UPF1: variants seen among roughly 807,000 people sequenced by gnomAD.
UPF1 encodes UPF1 RNA helicase and ATPase.
In UPF1, 9 loss-of-function variants were observed where a neutral mutation model predicts 129.2. The ratio of observed to expected loss-of-function variants is 0.07; its 90% CI spans 0.04 to 0.12. The LOEUF (loss-of-function observed/expected upper bound fraction) is 0.12. UPF1 is among the 10% of genes least tolerant of loss of function. The probability of loss-of-function intolerance (pLI) is 1.00; values close to 1 mark genes in which losing one functional copy is unlikely to be tolerated. For missense variants in UPF1, 788 were observed against 1,525.3 expected, an observed-to-expected ratio of 0.52 and a Z score of 8.05; for synonymous variants, 649 against 644.9, an observed-to-expected ratio of 1.01 and a Z score of -0.10.
intron 1 of UPF1, among the ~76,000 whole-genome samples, chr19:18,839,325 C>T (rs933033339): frequency 6.6e-6 from 1 of 152,146 alleles, no homozygotes. Flanking sequence ...AGCTCCTGAC[C>T]TCAGGTGATC....
chr19:18,863,274 G>A, intron 18 of UPF1, 164 bp from the exon 19 acceptor site: 2 of 870,968 alleles, frequency 2.3e-6, no homozygotes, highest in Non-Finnish European at 3.5e-6. Context: ...GCTTGGCATT[G>A]GGCTTTGGGG....
intron 2 of UPF1, among the ~76,000 whole-genome samples, chr19:18,846,972 C>G (rs952373424): frequency 6.6e-6 from 1 of 152,230 alleles, no homozygotes; most frequent in Non-Finnish European, 1.5e-5. Context: ...CCAGCCTGAG[C>G]GACAGTCACG....
At chr19:18,845,800 G>A (rs968276890) in intron 1 of UPF1, among the ~76,000 whole-genome samples, 180 bp from the exon 2 acceptor site, 2 of 152,198 alleles carry the variant, frequency 1.3e-5, no homozygotes, top group African/African-American at 4.8e-5. Flanking sequence ...AAGGCCACCA[G>A]TGGCCCTTTT....
At chr19:18,833,950 T>C (rs545159114) in intron 1 of UPF1, among the ~76,000 whole-genome samples, 2 of 152,212 alleles carry the variant, frequency 1.3e-5, no homozygotes, top group South Asian at 4.2e-4. Context: ...GAAGGTGGGG[T>C]GTGAGGAGAA....
chr19:18,832,148 C>G lies in UPF1; in HGVS notation c.-62C>G. 3 of 1,448,950 alleles carry G rather than the reference C, an allele frequency of 2.1e-6. No homozygotes were observed. The highest frequency in any genetic ancestry group is 2.8e-6 in the Non-Finnish European group (3 of 1,088,992). The allele number at this position is 1,448,950 out of a possible 1,614,324, so 89.8% of individuals were successfully genotyped here. On this transcript the variant is annotated 5_prime_UTR_variant, in exon 1 of 24. Coordinates refer to ENST00000262803, the MANE Select transcript of UPF1 (RefSeq NM_002911.4). This position sits in a 1 kb window ranked among gnomAD's most constrained non-coding sequence, Gnocchi z 5.6. ...GACCCGAGGCCTGCGGCCTAGGCCTCAGCGCGGCGGCGGGCTCGAGTGCAG... is the reference window on the plus strand; with the variant it reads ...GACCCGAGGCCTGCGGCCTAGGCCTGAGCGCGGCGGCGGGCTCGAGTGCAG...
intron 1 of UPF1, among the ~76,000 whole-genome samples, chr19:18,841,743 G>C (rs949417609): frequency 6.6e-6 from 1 of 152,108 alleles, no homozygotes; most frequent in Non-Finnish European, 1.5e-5. Context: ...CCCCGGGCTG[G>C]GAAGGCAGGG....
intron 11 of UPF1, 22 bp downstream of exon 11, chr19:18,855,264 C>T (rs760224627): frequency 1.1e-5 from 17 of 1,605,010 alleles, no homozygotes; most frequent in East Asian, 6.7e-5. Context: ...ACGGCCCTTG[C>T]GGGCAAGACC....
At position 18,865,002 on chromosome 19, in the gene UPF1, T is replaced by C. The variant is rs1601132778; in HGVS notation, c.2858-287T>C. ...GGTCCACCTCGGCTTCCCAGAGTGC[T>C]GGGATTATAGGCTTGAGCCAACACG... On this transcript the variant is annotated intron_variant, in intron 20 of 23. Coordinates refer to ENST00000262803, the MANE Select transcript of UPF1 (RefSeq NM_002911.4). This position sits in a 1 kb window ranked among gnomAD's most constrained non-coding sequence, Gnocchi z 6.1. Among the ~76,000 whole-genome samples, 1 of 152,358 alleles carries C rather than the reference T, an allele frequency of 6.6e-6. No individual in the cohort carries two copies. Among genetic ancestry groups the C allele is most frequent in the East Asian group, 1.9e-4 (1 of 5,178 alleles).
chr19:18,855,790 A>C, intron 11 of UPF1, 135 bp from the exon 12 acceptor site: 2 of 1,263,258 alleles, frequency 1.6e-6, no homozygotes, highest in Non-Finnish European at 2.1e-6. Context: ...TGAGGCTGCA[A>C]TTAGCTGAGA....
rs529134805 is a variant in UPF1 at position 18,851,250 on chromosome 19, G to A, written c.810+382G>A. 3 of 167,958 alleles carry A rather than the reference G, an allele frequency of 1.8e-5. No homozygotes were observed. The highest frequency in any genetic ancestry group is 1.7e-4 in the East Asian group (1 of 5,792). 10.4% of individuals were successfully genotyped at this position (167,958 alleles called of 1,614,324 possible). ...TGTCCTGGGGAAATAGGTTGGTGTC[G>A]AGGTCGGCACAGTCAGCTGAGACAG... On this transcript the variant is annotated intron_variant, in intron 5 of 23. Coordinates refer to ENST00000262803, the MANE Select transcript of UPF1 (RefSeq NM_002911.4). The surrounding 1 kb of genome is among the most constrained non-coding windows in gnomAD (Gnocchi z 4.2).
At chr19:18,862,256 ACT>A (rs1236048570) in intron 18 of UPF1, 104 bp downstream of exon 18, 3 of 1,494,104 alleles carry the variant, frequency 2.0e-6, no homozygotes, top group Admixed American at 2.1e-5. Flanking sequence ...AGGTCAGAGG[ACT>A]CTGAGCAGCA....
At position 18,863,713 on chromosome 19, in the gene UPF1, AGGGCTCTCCTAGGGGAGGGT is replaced by A. The variant is rs753675399; in HGVS notation, c.2775+126_2775+145del. ...GGCCCGTGTGCCCGTGAGCTGAGGG[AGGGCTCTCCTAGGGGAGGGT>A]GGGCTCTCCTAGGGGAGGGTGGGCC... is the stretch of plus-strand genomic sequence containing the variant. On this transcript the variant is annotated intron_variant, in intron 19 of 23. Coordinates refer to ENST00000262803, the MANE Select transcript of UPF1 (RefSeq NM_002911.4). The A allele has an allele frequency of 9.4e-4, 937 of 998,780 alleles. 10 individuals are homozygous for A. In the East Asian group the frequency reaches 0.029, roughly 31 times the overall value. The allele number at this position is 998,780 out of a possible 1,614,324, so 61.9% of individuals were successfully genotyped here. A position where few individuals can be genotyped will look rare whatever the true frequency, so the allele number is the denominator to read the frequency against.
chr19:18,857,069 C>T (rs1568279871), intron 14 of UPF1, 49 bp downstream of exon 14: 3 of 1,581,286 alleles, frequency 1.9e-6, no homozygotes. Context: ...GTGTGTGATT[C>T]TTGGTGTTTG....
intron 1 of UPF1, among the ~76,000 whole-genome samples, chr19:18,837,499 C>T (rs2055496056): frequency 6.6e-6 from 1 of 152,208 alleles, no homozygotes; most frequent in Non-Finnish European, 1.5e-5. Flanking sequence ...CATGAGAACC[C>T]CAAACCGGAA....
At chr19:18,838,151 C>T (rs948875316) in intron 1 of UPF1, among the ~76,000 whole-genome samples, 7 of 152,226 alleles carry the variant, frequency 4.6e-5, no homozygotes, top group Non-Finnish European at 1.0e-4. Context: ...TCCATACAGT[C>T]TTGGGTTCCG....
At chr19:18,855,426 AT>A in intron 11 of UPF1, 184 bp downstream of exon 11, 1 of 699,490 alleles carries the variant, frequency 1.4e-6, no homozygotes, top group South Asian at 1.9e-5. Flanking sequence ...TTAGGATTGC[AT>A]TTTAGTAACC....
At chr19:18,863,217 G>C (rs1366057649) in intron 18 of UPF1, 1 of 534,350 alleles carries the variant, frequency 1.9e-6, no homozygotes, top group Non-Finnish European at 3.3e-6. Flanking sequence ...TCTGCCATGG[G>C]GCTGCTTAGA....
At chr19:18,833,185 A>C (rs1330537612) in intron 1 of UPF1, 5 of 152,184 alleles carry the variant, frequency 3.3e-5, no homozygotes, top group Non-Finnish European at 7.3e-5. Context: ...TTCCCCATGC[A>C]TAGGGGCGCT....
At chr19:18,866,270 G>A (rs899787348) in intron 23 of UPF1, 104 bp downstream of exon 23, 6 of 1,428,872 alleles carry the variant, frequency 4.2e-6, no homozygotes, top group Non-Finnish European at 4.6e-6. Flanking sequence ...ATCTGGAAAT[G>A]TGTGCTGTGC....
Sources: allele counts gnomAD v4.1 joint callset (sites outside exome capture counted in the v4.1 genomes callset), GRCh38; gene constraint gnomAD v4.1.1; non-coding constraint Gnocchi (gnomAD v3.1); transcripts MANE v1.5; gene names NCBI Gene and HGNC (gene_info 2026-07-23, HGNC 2026-07-21).